The following TUT4 variants were observed in gnomAD, a reference collection of about 807,000 sequenced individuals.
TUT4 encodes terminal uridylyltransferase 4.
In TUT4, 36 loss-of-function variants were observed where a neutral mutation model predicts 192.2. That is an observed-to-expected ratio of 0.19 (90% CI 0.14 to 0.25). The LOEUF (loss-of-function observed/expected upper bound fraction) is 0.25. TUT4 is among the 10% of genes least tolerant of loss of function. The pLI is 1.00. For missense variants in TUT4, 1,493 were observed against 1,957.2 expected, an observed-to-expected ratio of 0.76 and a Z score of 4.47; for synonymous variants, 618 against 666.0, an observed-to-expected ratio of 0.93 and a Z score of 1.11.
In TUT4 at chr1:52,545,918, T is replaced by C. The variant is rs775255171; in HGVS notation, c.-94+7013A>G. On this transcript the variant is annotated intron_variant, in intron 1 of 29. Transcript: ENST00000257177. ...AGGCACATCACTTGAGCTCAGGAGT[T>C]TGAGACCAGCCTGGGCAATATGGTG... Among the ~76,000 whole-genome samples, 55 of 149,902 alleles carry C rather than the reference T, an allele frequency of 3.7e-4. 1 individual carries two copies. The highest frequency in any genetic ancestry group is 1.3e-4 in the Admixed American group (2 of 14,944).
chr1:52,426,938 T>C (rs111460329), intron 28 of TUT4, among the ~76,000 whole-genome samples: 3 of 151,932 alleles, frequency 2.0e-5, no homozygotes, highest in African/African-American at 7.3e-5. Flanking sequence ...TATATTTCCA[T>C]TCAGTCCTTC....
intron 20 of TUT4, among the ~76,000 whole-genome samples, chr1:52,451,174 G>A (rs1223469773): frequency 3.3e-5 from 5 of 151,874 alleles, no homozygotes; most frequent in Admixed American, 2.6e-4. Context: ...GCTGAGGCAG[G>A]AGAATGGCGT....
At chr1:52,496,069 T>C (rs79536573) in intron 5 of TUT4, among the ~76,000 whole-genome samples, 1,843 of 152,192 alleles carry the variant, frequency 0.012, 50 homozygotes, top group African/African-American at 0.043. Flanking sequence ...CTATGAAACA[T>C]GTTATTCCAA....
At chr1:52,493,786 G>A (rs1440049115) in intron 6 of TUT4, 124 bp from the exon 7 acceptor site, 1 of 664,180 alleles carries the variant, frequency 1.5e-6, no homozygotes, top group Admixed American at 3.2e-5. Flanking sequence ...GTTTTAAATA[G>A]TGAAAACAGA....
rs1198302998 is a variant in TUT4, at chr1:52,548,321, C to A, written c.-94+4610G>T. On this transcript the variant is annotated intron_variant, in intron 1 of 29. Transcript: ENST00000257177. ...ATTTAATAATTATATTATTAAACTA[C>A]ACACTGACAAAATGCAATCAGGCTT... 2.6e-5 allele frequency among the ~76,000 whole-genome samples: 4 copies of A among 152,064 alleles called. No individual in the cohort carries two copies. In the East Asian group the frequency reaches 7.7e-4, roughly 29 times the overall value.
chr1:52,541,397 T>C (rs547028546), intron 1 of TUT4, among the ~76,000 whole-genome samples: 197 of 151,736 alleles, frequency 1.3e-3, no homozygotes, highest in Non-Finnish European at 1.9e-3. Flanking sequence ...CTGAACATGG[T>C]GGCAGGCGCC....
At chr1:52,447,982 T>G (rs1658083288) in intron 20 of TUT4, among the ~76,000 whole-genome samples, 1 of 152,238 alleles carries the variant, frequency 6.6e-6, no homozygotes, top group South Asian at 2.1e-4. Context: ...TTTCCATTTT[T>G]GATGTGACAG....
chr1:52,513,646 CA>C (rs1677904018), intron 3 of TUT4, among the ~76,000 whole-genome samples: 1 of 152,070 alleles, frequency 6.6e-6, no homozygotes, highest in Non-Finnish European at 1.5e-5. Flanking sequence ...CACCCCAGGC[CA>C]TTTTTCCTAC....
At chr1:52,435,515 G>C (rs1570202297) in intron 26 of TUT4, 50 bp from the exon 27 acceptor site, 2 of 1,392,838 alleles carry the variant, frequency 1.4e-6, no homozygotes, top group Non-Finnish European at 2.0e-6. Context: ...AAGTAGCAGA[G>C]AAATGACAAT....
chr1:52,507,609 C>T (rs539503276), intron 4 of TUT4, among the ~76,000 whole-genome samples: 19 of 152,190 alleles, frequency 1.2e-4, no homozygotes, highest in African/African-American at 3.4e-4. Context: ...TTTCCCTATA[C>T]GGGCTGAGCA....
intron 2 of TUT4, among the ~76,000 whole-genome samples, chr1:52,517,925 A>C (rs904119405): frequency 6.6e-6 from 1 of 152,230 alleles, no homozygotes; most frequent in African/African-American, 2.4e-5. Context: ...AAATCTTGTA[A>C]AAGTATCGTT....
At chr1:52,520,714 A>G (rs1680011099) in intron 2 of TUT4, among the ~76,000 whole-genome samples, 1 of 152,212 alleles carries the variant, frequency 6.6e-6, no homozygotes, top group South Asian at 2.1e-4. Context: ...TACCAACAGT[A>G]GCATCATTCC....
chr1:52,437,047 C>G, intron 25 of TUT4, 69 bp from the exon 26 acceptor site: 6 of 1,547,438 alleles, frequency 3.9e-6, no homozygotes, highest in Non-Finnish European at 4.3e-6. Context: ...ATGCAGGACT[C>G]TCACAATAAC....
chr1:52,434,488 C>T (rs1054488247), intron 27 of TUT4: 1 of 152,096 alleles, frequency 6.6e-6, no homozygotes, highest in African/African-American at 2.4e-5. Flanking sequence ...TTAAGAAGTA[C>T]AAGGTGAATA....
intron 3 of TUT4, 66 bp downstream of exon 3, chr1:52,515,825 T>C (rs1678577867): frequency 6.3e-7 from 1 of 1,583,038 alleles, no homozygotes; most frequent in South Asian, 1.1e-5. Flanking sequence ...TAAAAAAAGC[T>C]GTACTTGGGG....
intron 4 of TUT4, among the ~76,000 whole-genome samples, chr1:52,506,912 T>C (rs1414062734): frequency 2.0e-5 from 3 of 152,222 alleles, no homozygotes; most frequent in African/African-American, 7.2e-5. Context: ...GTAATATTCC[T>C]AAGCTTTGTT....
chr1:52,542,608 C>G (rs950970559), intron 1 of TUT4, among the ~76,000 whole-genome samples: 4 of 152,106 alleles, frequency 2.6e-5, no homozygotes, highest in Admixed American at 2.6e-4. Flanking sequence ...ACTCAACAAT[C>G]TAGGAATAGA....
chr1:52,450,994 G>A (rs113680944), intron 20 of TUT4, among the ~76,000 whole-genome samples: 10 of 152,146 alleles, frequency 6.6e-5, no homozygotes, highest in Admixed American at 2.0e-4. Context: ...GGCTGGGCGC[G>A]GTGGCACACG....
chr1:52,493,405 AT>A lies in TUT4; in HGVS notation c.1318+205del, dbSNP rs200356619. On this transcript the variant is annotated intron_variant, in intron 7 of 29. Coordinates refer to ENST00000257177, the MANE Select transcript of TUT4 (RefSeq NM_001009881.3). ...GCCTACATATCAATTTTAATATGGC[AT>A]TTTTTTTTTTACCTAAGTTACAGTT... Among the ~76,000 whole-genome samples the A allele has an allele frequency of 4.4e-3, 632 of 145,052 alleles. 7 individuals carry two copies. The highest frequency in any genetic ancestry group is 0.036 in the South Asian group (165 of 4,584).
Sources: allele counts gnomAD v4.1 joint callset (sites outside exome capture counted in the v4.1 genomes callset), GRCh38; gene constraint gnomAD v4.1.1; transcripts MANE v1.5; gene names NCBI Gene and HGNC (gene_info 2026-07-23, HGNC 2026-07-21).